Variants in DNAH17 observed in about 807,000 individuals in gnomAD.
The protein encoded by DNAH17 is axonemal beta dynein heavy chain 17.
DNAH17 carries 376 observed loss-of-function variants against 485.6 expected under a neutral mutation model. The ratio of observed to expected loss-of-function variants is 0.77; its 90% CI spans 0.71 to 0.84. The LOEUF (loss-of-function observed/expected upper bound fraction) is 0.84, where lower values mean the gene tolerates loss of function less well. DNAH17 is among the 40% of genes least tolerant of loss of function. The pLI is 0.00. For synonymous variants in DNAH17, 3,031 were observed against 2,405.9 expected (o/e 1.26, Z -7.60); for missense variants, 6,370 against 5,839.3 (o/e 1.09, Z -2.96).
intron 65 of DNAH17, among the ~76,000 whole-genome samples, chr17:78,453,077 A>G (rs1182259607): frequency 6.6e-6 from 1 of 152,226 alleles, no homozygotes; most frequent in Admixed American, 6.5e-5. Flanking sequence ...CAGAATGAAG[A>G]CAGACATCAC....
chr17:78,429,369 C>T (rs1210764840), intron 75 of DNAH17, 69 bp from the exon 76 acceptor site: 6 of 1,526,574 alleles, frequency 3.9e-6, no homozygotes, highest in Non-Finnish European at 5.3e-6. Context: ...GAGGGTCAGG[C>T]TCAGGCAGGC....
intron 58 of DNAH17, among the ~76,000 whole-genome samples, chr17:78,461,258 G>C (rs2088110146): frequency 6.6e-6 from 1 of 152,324 alleles, no homozygotes; most frequent in South Asian, 2.1e-4. Context: ...CCGAGAGCCT[G>C]CATTTCTCAC....
intron 5 of DNAH17, 27 bp from the exon 6 acceptor site, chr17:78,571,060 C>A: frequency 1.9e-6 from 3 of 1,551,682 alleles, no homozygotes; most frequent in Non-Finnish European, 2.6e-6. Context: ...CAAGTGCCCA[C>A]CGGTAAGAGA....
chr17:78,509,634 G>A (rs963436242), intron 27 of DNAH17, among the ~76,000 whole-genome samples: 1 of 152,154 alleles, frequency 6.6e-6, no homozygotes. Flanking sequence ...CCTGGATACT[G>A]GAACTGCCGG....
At chr17:78,549,597 T>C (rs1242860708) in intron 16 of DNAH17, among the ~76,000 whole-genome samples, 2 of 152,224 alleles carry the variant, frequency 1.3e-5, no homozygotes, top group Non-Finnish European at 2.9e-5. Context: ...AAATACTTTG[T>C]GGTTTAGTTA....
Position 78,554,436 on chromosome 17 carries a change from C to CAAAAAAA in DNAH17, c.2179-1638_2179-1632dup, listed in dbSNP as rs55701739. Among the ~76,000 whole-genome samples the CAAAAAAA allele has an allele frequency of 4.4e-3, 142 of 32,264 alleles. 27 individuals carry two copies. Among genetic ancestry groups the CAAAAAAA allele is most frequent in the East Asian group, 9.8e-3 (7 of 716 alleles). The allele number at this position is 32,264 out of a possible 152,430, so 21.2% of individuals were successfully genotyped here. On this transcript the variant is annotated intron_variant, in intron 14 of 80. Coordinates refer to ENST00000389840, the MANE Select transcript of DNAH17 (RefSeq NM_173628.4). ...TGGACAATAGAATGAGACTCTGTCT[C>CAAAAAAA]AAAAAAAAAAAAAAAAAAAAAAAAA...
chr17:78,478,097 CCATCATCATCATCTCCACCAT>C (rs2089149965), intron 51 of DNAH17, among the ~76,000 whole-genome samples: 1 of 149,214 alleles, frequency 6.7e-6, no homozygotes, highest in African/African-American at 2.5e-5. Context: ...ATCACCACCA[CCATCATCATCATCTCCACCAT>C]CACCACCACG....
At chr17:78,484,446 G>A (rs946721749) in intron 48 of DNAH17, among the ~76,000 whole-genome samples, 74 of 152,104 alleles carry the variant, frequency 4.9e-4, no homozygotes, top group Non-Finnish European at 8.7e-4. Flanking sequence ...CTCTCTGCTG[G>A]GGCTCCCAGC....
At chr17:78,538,022 C>A (rs543716897) in intron 18 of DNAH17, among the ~76,000 whole-genome samples, 1 of 151,742 alleles carries the variant, frequency 6.6e-6, no homozygotes, top group Non-Finnish European at 1.5e-5. Flanking sequence ...GTGTCTGGAA[C>A]CCCAGCTACT....
At chr17:78,466,400 G>A (rs1037505852) in intron 56 of DNAH17, among the ~76,000 whole-genome samples, 1 of 151,790 alleles carries the variant, frequency 6.6e-6, no homozygotes, top group South Asian at 2.1e-4. Flanking sequence ...ACCCTGCCAA[G>A]TCCCCCTCTG....
At chr17:78,532,237 T>A (rs2091259968) in intron 20 of DNAH17, among the ~76,000 whole-genome samples, 1 of 152,098 alleles carries the variant, frequency 6.6e-6, no homozygotes, top group South Asian at 2.1e-4. Context: ...TTTCCCCAGC[T>A]CCCTCTGCCT....
chr17:78,543,287 G>GTATTTTTTTTTTTTTTTTTTTT (rs1200669389), intron 17 of DNAH17, among the ~76,000 whole-genome samples: 12 of 139,268 alleles, frequency 8.6e-5, no homozygotes, highest in African/African-American at 3.0e-4. Context: ...GTTAATTTTT[G>GTATTTTTTTTTTTTTTTTTTTT]TTTTTTTTTT....
intron 20 of DNAH17, among the ~76,000 whole-genome samples, chr17:78,531,739 G>C (rs180812117): frequency 1.3e-5 from 2 of 152,172 alleles, no homozygotes; most frequent in African/African-American, 4.8e-5. Flanking sequence ...CATTCAATCT[G>C]TCTTTACAGG....
intron 60 of DNAH17, among the ~76,000 whole-genome samples, chr17:78,459,457 G>A (rs2087983309): frequency 6.6e-6 from 1 of 152,246 alleles, no homozygotes; most frequent in South Asian, 2.1e-4. Flanking sequence ...TTAGAGGGAT[G>A]AGATGCAGAC....
chr17:78,566,088 G>A (rs1275014313), intron 11 of DNAH17, among the ~76,000 whole-genome samples: 1 of 151,786 alleles, frequency 6.6e-6, no homozygotes, highest in East Asian at 1.9e-4. Flanking sequence ...TTCTAGGAAC[G>A]GAAGTAGACC....
chr17:78,424,540 T>TATAC (rs1164834425), intron 80 of DNAH17: 2 of 185,206 alleles, frequency 1.1e-5, no homozygotes, highest in African/African-American at 4.7e-5. Flanking sequence ...ACAATATAAT[T>TATAC]ATACATCTGT....
Position 78,425,699 on chromosome 17 carries a change from G to A in DNAH17, c.12916-128C>T, listed in dbSNP as rs191839050. The A allele has an allele frequency of 1.2e-3, 951 of 788,940 alleles. 17 individuals are homozygous for A. The Admixed American group carries it at 0.025, about 21-fold the overall frequency. The allele number at this position is 788,940 out of a possible 1,614,324, so 48.9% of individuals were successfully genotyped here. On this transcript the variant is annotated intron_variant, in intron 79 of 80. Transcript: ENST00000389840. ...GGCCACTCAGCGAGCTAGAAGTGCT[G>A]GACAGAGTAGGGGCCATGGAGCCCA...
In DNAH17 at chr17:78,539,935, G is replaced by A. The variant is rs942696935; in HGVS notation, c.2533-55C>T. 3.3e-6 allele frequency: 5 copies of A among 1,504,066 alleles called. No individual in the cohort carries two copies. The African/African-American group carries it at 4.2e-5, about 13-fold the overall frequency. 93.2% of individuals were successfully genotyped at this position (1,504,066 alleles called of 1,614,324 possible). A position where few individuals can be genotyped will look rare whatever the true frequency, so the allele number is the denominator to read the frequency against. On this transcript the variant is annotated intron_variant, in intron 17 of 80. Transcript: ENST00000389840. ...ACTTCACTGGCTGTGCTTGCTCTTT[G>A]ATCACACTGTTTAGTGCCTCTCTGG...
Position 78,424,079 on chromosome 17 carries a change from T to G in DNAH17, c.13216A>C (p.Ile4406Leu), listed in dbSNP as rs762364121. ...LKELTPAMPVIFIKAIPVDRM... is the reference protein window; with the variant it reads ...LKELTPAMPVLFIKAIPVDRM... ...TCCACAGGAATGGCCTTGATGAAGA[T>G]GACAGGCATGGCCGGGGTCAGCTCT... Residue 4406 changes from isoleucine (I) to leucine (L), a missense_variant, in exon 81 of 81, where the codon ATC becomes CTC. By Grantham distance (5) the Ile-to-Leu change is conservative. Coordinates refer to ENST00000389840, the MANE Select transcript of DNAH17 (RefSeq NM_173628.4). 2 of 1,614,014 alleles carry G rather than the reference T, an allele frequency of 1.2e-6. No individual in the cohort carries two copies. The highest frequency in any genetic ancestry group is 3.3e-5 in the Admixed American group (2 of 60,028).
Sources: gnomAD v4.1 joint callset for allele counts (sites outside exome capture counted in the v4.1 genomes callset) on GRCh38, gnomAD v4.1.1 for gene constraint, MANE v1.5 for transcripts, NCBI Gene and HGNC (gene_info 2026-07-23, HGNC 2026-07-21) for gene names.